Variants in PRDM16 observed in about 807,000 individuals in gnomAD.
PRDM16 encodes the protein histone-lysine N-methyltransferase PRDM16.
A neutral mutation model predicts 110.6 loss-of-function variants in PRDM16; 23 were observed. The ratio of observed to expected loss-of-function variants is 0.21; its 90% CI spans 0.15 to 0.29. The LOEUF (loss-of-function observed/expected upper bound fraction) is 0.29, where lower values mean the gene tolerates loss of function less well. PRDM16 is among the 10% of genes least tolerant of loss of function. PRDM16 has a pLI of 1.00. For synonymous variants in PRDM16, 799 were observed against 781.8 expected (o/e 1.02, Z -0.37); for missense variants, 1,615 against 1,794.3 (o/e 0.90, Z 1.81).
At chr1:3,401,665 CAT>C (rs908696787) in intron 5 of PRDM16, among the ~76,000 whole-genome samples, 2 of 152,250 alleles carry the variant, frequency 1.3e-5, no homozygotes, top group Non-Finnish European at 2.9e-5. Context: ...ACATCAAACA[CAT>C]ATGCACACAC....
intron 3 of PRDM16, among the ~76,000 whole-genome samples, chr1:3,266,271 G>A (rs534512561): frequency 6.6e-6 from 1 of 152,274 alleles, no homozygotes; most frequent in Non-Finnish European, 1.5e-5. Flanking sequence ...AAACTTCCAC[G>A]GATCGGGCGG....
intron 8 of PRDM16, among the ~76,000 whole-genome samples, chr1:3,409,889 ATG>A (rs1036184182): frequency 4.0e-5 from 3 of 75,098 alleles, no homozygotes; most frequent in Non-Finnish European, 7.1e-5. Flanking sequence ...GGTTGTGTGC[ATG>A]TGTGTGGTGT....
intron 3 of PRDM16, among the ~76,000 whole-genome samples, chr1:3,335,499 A>C (rs1570095202): frequency 1.3e-5 from 2 of 152,202 alleles, no homozygotes; most frequent in African/African-American, 2.4e-5. Context: ...AAGGGAGCAG[A>C]GTTTATTTCT....
At chr1:3,375,087 G>T (rs1569604340) in intron 3 of PRDM16, among the ~76,000 whole-genome samples, 1 of 152,300 alleles carries the variant, frequency 6.6e-6, no homozygotes, top group East Asian at 1.9e-4. Flanking sequence ...CAGAAAAGAG[G>T]CTTTCTAGCT....
chr1:3,318,110 AT>A (rs1641654927), intron 3 of PRDM16, among the ~76,000 whole-genome samples: 1 of 152,148 alleles, frequency 6.6e-6, no homozygotes, highest in Non-Finnish European at 1.5e-5. Flanking sequence ...GCCGGAGTTG[AT>A]TGAAGAAAAT....
chr1:3,220,844 C>G (rs932319912), intron 2 of PRDM16, among the ~76,000 whole-genome samples: 29 of 152,192 alleles, frequency 1.9e-4, no homozygotes, highest in Non-Finnish European at 3.2e-4. Context: ...GCCTTGGTCT[C>G]TTTGAGATAA....
At position 3,080,636 on chromosome 1, in the gene PRDM16, C is replaced by T. The variant is rs1018579090; in HGVS notation, c.37+11340C>T. Among the ~76,000 whole-genome samples the T allele has an allele frequency of 2.6e-5, 4 of 151,906 alleles. No homozygotes were observed. Among genetic ancestry groups the T allele is most frequent in the South Asian group, 2.1e-4 (1 of 4,814 alleles). ...CGGCTGACAATCCATTTTGCAAAAACGGGAGGCCCGGGCCCCTAAGCTTGC... is the reference window on the plus strand; with the variant it reads ...CGGCTGACAATCCATTTTGCAAAAATGGGAGGCCCGGGCCCCTAAGCTTGC... On this transcript the variant is annotated intron_variant, in intron 1 of 16. Coordinates refer to ENST00000270722, the MANE Select transcript of PRDM16 (RefSeq NM_022114.4). This position sits in a 1 kb window ranked among gnomAD's most constrained non-coding sequence, Gnocchi z 5.2.
At position 3,305,802 on chromosome 1, in the gene PRDM16, G is replaced by A. The variant is rs1047503224; in HGVS notation, c.438+61665G>A. 2.6e-5 allele frequency among the ~76,000 whole-genome samples: 4 copies of A among 152,254 alleles called. No homozygotes were observed. The East Asian group carries it at 7.7e-4, about 29-fold the overall frequency. On this transcript the variant is annotated intron_variant, in intron 3 of 16. Coordinates refer to ENST00000270722, the MANE Select transcript of PRDM16 (RefSeq NM_022114.4). ...GCTGGCAGCTTCGCCTATCAGAACA[G>A]GACTGAGATCCAGGATGCGAGAAGG...
chr1:3,339,470 C>T lies in PRDM16; in HGVS notation c.439-45682C>T, dbSNP rs1642227054. Among the ~76,000 whole-genome samples the T allele has an allele frequency of 6.6e-6, 1 of 152,102 alleles. No individual in the cohort carries two copies. The highest frequency in any genetic ancestry group is 2.4e-5 in the African/African-American group (1 of 41,414). The stretch of plus-strand genomic sequence containing the variant: ...AGGGCATGACCCCTACCCAGTGAAT[C>T]CACAGGGGCTTCCTGGAGGAAGTGC... On this transcript the variant is annotated intron_variant, in intron 3 of 16. Coordinates refer to ENST00000270722, the MANE Select transcript of PRDM16 (RefSeq NM_022114.4). This position sits in a 1 kb window ranked among gnomAD's most constrained non-coding sequence, Gnocchi z 5.0.
intron 2 of PRDM16, among the ~76,000 whole-genome samples, chr1:3,197,481 C>T (rs1216891623): frequency 6.6e-6 from 1 of 152,240 alleles, no homozygotes; most frequent in Non-Finnish European, 1.5e-5. Context: ...AGAGGCAGCT[C>T]ATTCACCTCT....
At chr1:3,134,430 C>A (rs978964436) in intron 1 of PRDM16, among the ~76,000 whole-genome samples, 21 of 152,252 alleles carry the variant, frequency 1.4e-4, no homozygotes, top group Non-Finnish European at 2.1e-4. Flanking sequence ...AAGATGCCCC[C>A]AAAGTTGGGG....
chr1:3,236,206 G>A (rs1019915431), intron 2 of PRDM16, among the ~76,000 whole-genome samples: 9 of 152,274 alleles, frequency 5.9e-5, no homozygotes, highest in Non-Finnish European at 8.8e-5. Flanking sequence ...CACAGCCAGG[G>A]CAGGCCAGGG....
chr1:3,209,724 C>T lies in PRDM16; in HGVS notation c.387+23250C>T, dbSNP rs1000907049. 1.3e-5 allele frequency among the ~76,000 whole-genome samples: 2 copies of T among 152,212 alleles called. No homozygotes were observed. Among genetic ancestry groups the T allele is most frequent in the Non-Finnish European group, 2.9e-5 (2 of 68,038 alleles). On this transcript the variant is annotated intron_variant, in intron 2 of 16. Coordinates refer to ENST00000270722, the MANE Select transcript of PRDM16 (RefSeq NM_022114.4). The surrounding 1 kb of genome is among the most constrained non-coding windows in gnomAD (Gnocchi z 4.6). ...GGAACCACAGCCCTCCCGCCCCCCA[C>T]AGAGCCCCTTCCCTGAGGGTTGGGC...
Position 3,175,261 on chromosome 1 carries a change from C to T in PRDM16, c.38-10864C>T, listed in dbSNP as rs1256042384. Among the ~76,000 whole-genome samples, 7 of 152,224 alleles carry T rather than the reference C, an allele frequency of 4.6e-5. No homozygotes were observed. The highest frequency in any genetic ancestry group is 2.1e-4 in the South Asian group (1 of 4,824). ...GGGCCTTCAGGATGACCCTGCCGCT[C>T]CAGGAGCCCTCCCACTGAAGAAGGG... On this transcript the variant is annotated intron_variant, in intron 1 of 16. Transcript: ENST00000270722. This position sits in a 1 kb window ranked among gnomAD's most constrained non-coding sequence, Gnocchi z 4.8.
intron 1 of PRDM16, among the ~76,000 whole-genome samples, chr1:3,088,730 G>A (rs916806235): frequency 4.8e-4 from 73 of 150,646 alleles, no homozygotes; most frequent in African/African-American, 1.7e-3. Context: ...GATTACAGGC[G>A]TGAGTCACGG....
intron 12 of PRDM16, among the ~76,000 whole-genome samples, chr1:3,424,513 G>A (rs578214969): frequency 6.6e-6 from 1 of 152,256 alleles, no homozygotes; most frequent in Admixed American, 6.5e-5. Flanking sequence ...GATGGAGGAA[G>A]GGGGTCTCAT....
intron 1 of PRDM16, among the ~76,000 whole-genome samples, chr1:3,144,468 G>T (rs928404850): frequency 6.8e-6 from 1 of 146,140 alleles, no homozygotes; most frequent in African/African-American, 2.5e-5. Context: ...CAGGCAGGGC[G>T]TATCCAGGTG....
intron 8 of PRDM16, among the ~76,000 whole-genome samples, chr1:3,409,984 TGG>T (rs140800224): frequency 0.017 from 1,391 of 79,924 alleles, 30 homozygotes; most frequent in African/African-American, 0.064. Context: ...TGTGTTTGCA[TGG>T]GGGGGTGTGG....
At chr1:3,256,856 CA>C (rs1316477957) in intron 3 of PRDM16, among the ~76,000 whole-genome samples, 11 of 151,702 alleles carry the variant, frequency 7.3e-5, no homozygotes, top group South Asian at 4.1e-4. Flanking sequence ...GACTCCATCT[CA>C]AAATAAATAA....
Sources: allele counts gnomAD v4.1 joint callset (sites outside exome capture counted in the v4.1 genomes callset), GRCh38; gene constraint gnomAD v4.1.1; non-coding constraint Gnocchi (gnomAD v3.1); transcripts MANE v1.5; gene names NCBI Gene and HGNC (gene_info 2026-07-23, HGNC 2026-07-21).